The following H6PD variants were observed in gnomAD, a reference collection of about 807,000 sequenced individuals.
H6PD encodes the protein hexose-6-phosphate dehydrogenase/glucose 1-dehydrogenase.
A neutral mutation model predicts 61.2 loss-of-function variants in H6PD; 48 were observed. The observed-to-expected ratio is 0.78, with a 90% confidence interval of 0.62 to 1.00. The LOEUF (loss-of-function observed/expected upper bound fraction) is 1.00, where lower values mean the gene tolerates loss of function less well. Among genes scored for constraint, H6PD ranks in the 50% least tolerant of loss-of-function variants. The probability of loss-of-function intolerance (pLI) is 0.00; values close to 1 mark genes in which losing one functional copy is unlikely to be tolerated. For synonymous variants in H6PD, 480 were observed against 457.9 expected (o/e 1.05, Z -0.62); for missense variants, 1,093 against 1,065.0 (o/e 1.03, Z -0.37).
At chr1:9,260,422 T>C (rs1196494806) in intron 3 of H6PD, among the ~76,000 whole-genome samples, 1 of 152,060 alleles carries the variant, frequency 6.6e-6, no homozygotes, top group African/African-American at 2.4e-5. Flanking sequence ...TATGTTGTTA[T>C]GCTGGTGTTG....
chr1:9,249,632 G>A (rs1230810015), intron 3 of H6PD, among the ~76,000 whole-genome samples: 1 of 152,242 alleles, frequency 6.6e-6, no homozygotes, highest in Non-Finnish European at 1.5e-5. Flanking sequence ...CAGGGGCAAA[G>A]GGAGCCTCAG....
chr1:9,264,382 A>G lies in H6PD; in HGVS notation c.1889A>G (p.Glu630Gly). The change falls in exon 5 of 5, where the codon GAG becomes GGG. Residue 630 changes from glutamate to glycine, a missense_variant. By Grantham distance (98) the Glu-to-Gly change is moderately conservative. Coordinates refer to ENST00000377403, the MANE Select transcript of H6PD (RefSeq NM_004285.4). The stretch of plus-strand genomic sequence containing the variant: ...CGCTGCGTCCCACTCTCAGACCCGG[A>G]GTCCAACTTCCAGGGCCTGCAGGCC... ...DERCVPLSDPESNFQGLQAHL... is the reference protein window; with the variant it reads ...DERCVPLSDPGSNFQGLQAHL... 6.2e-7 allele frequency: 1 copy of G among 1,612,948 alleles called. No individual in the cohort carries two copies. The highest frequency in any genetic ancestry group is 1.3e-5 in the African/African-American group (1 of 75,024).
At position 9,269,176 on chromosome 1, in the gene H6PD, A is replaced by G. The variant is rs1348594301; in HGVS notation, c.*4307A>G. On this transcript the variant is annotated 3_prime_UTR_variant, in exon 5 of 5. Transcript: ENST00000377403. The surrounding 1 kb of genome is among the most constrained non-coding windows in gnomAD (Gnocchi z 4.3). ...TGAGACTCTGCAAATGAGACTCCAG[A>G]GGGTGAAGATCTGCGGTCTCCAGAC... 1 of 152,256 alleles carries G rather than the reference A, an allele frequency of 6.6e-6. No homozygotes were observed. The highest frequency in any genetic ancestry group is 1.5e-5 in the Non-Finnish European group (1 of 68,076). The allele number at this position is 152,256 out of a possible 1,614,324, so 9.4% of individuals were successfully genotyped here.
rs766244273 is a variant in H6PD at position 9,262,045 on chromosome 1, C to T, written c.746-14C>T. ...TCTTTAGATCCTCCCCACTTCTCCA[C>T]CTCCCTCCACCAGGCCGCACCAGCT... On this transcript the variant is annotated splice_polypyrimidine_tract_variant and intron_variant, in intron 3 of 4. Transcript: ENST00000377403. The T allele has an allele frequency of 3.1e-6, 5 of 1,614,066 alleles. No homozygotes were observed. In the Admixed American group the frequency reaches 5.0e-5, roughly 16 times the overall value.
chr1:9,264,368 A>T lies in H6PD; in HGVS notation c.1875A>T (p.Pro625=), dbSNP rs1370173709. The T allele has an allele frequency of 6.2e-7, 1 of 1,612,262 alleles. No homozygotes were observed. The highest frequency in any genetic ancestry group is 1.3e-5 in the African/African-American group (1 of 74,828). The change falls in exon 5 of 5, where the codon CCA becomes CCT. Residue 625 remains proline, a synonymous_variant. Coordinates refer to ENST00000377403, the MANE Select transcript of H6PD (RefSeq NM_004285.4). ...HLWLVDERCV[P]LSDPESNFQG... ...GGCTGGTTGACGAGCGCTGCGTCCC[A>T]CTCTCAGACCCGGAGTCCAACTTCC...
rs766091087 is a variant in H6PD, at chr1:9,254,971, A to C, written c.746-7088A>C. 3.1e-4 allele frequency among the ~76,000 whole-genome samples: 47 copies of C among 152,158 alleles called. No individual in the cohort carries two copies. Among genetic ancestry groups the C allele is most frequent in the Non-Finnish European group, 3.4e-4 (23 of 68,036 alleles). ...TAGGATCATACGGTGTGTGGTTTCC[A>C]TCAGTTAGCATCCTGAGTTCAGAGT... On this transcript the variant is annotated intron_variant, in intron 3 of 4. Coordinates refer to ENST00000377403, the MANE Select transcript of H6PD (RefSeq NM_004285.4). This position sits in a 1 kb window ranked among gnomAD's most constrained non-coding sequence, Gnocchi z 4.6.
rs537866358 is a variant in H6PD at position 9,267,640 on chromosome 1, T to A, written c.*2771T>A. ...GGTGAGGGTCGAAATGCCAAAGGTC[T>A]ACTTTCCAGAATCAAGTGCCTTCTG... is the stretch of plus-strand genomic sequence containing the variant. On this transcript the variant is annotated 3_prime_UTR_variant, in exon 5 of 5. Coordinates refer to ENST00000377403, the MANE Select transcript of H6PD (RefSeq NM_004285.4). 10 of 152,450 alleles carry A rather than the reference T, an allele frequency of 6.6e-5. No individual in the cohort carries two copies. The South Asian group carries it at 2.1e-3, about 32-fold the overall frequency. 9.4% of individuals were successfully genotyped at this position (152,450 alleles called of 1,614,324 possible).
chr1:9,263,860 A>ACGCCCACTCCGTC lies in H6PD; in HGVS notation c.1369_1381dup (p.Leu461ArgfsTer40). On this transcript the variant is annotated frameshift_variant, in exon 5 of 5. Coordinates refer to ENST00000377403, the MANE Select transcript of H6PD (RefSeq NM_004285.4). LOFTEE classifies it high-confidence loss of function. The stretch of plus-strand genomic sequence containing the variant: ...GCCTACAGCCCTGTGCGGGAGCGGG[A>ACGCCCACTCCGTC]CGCCCACTCCGTCCTCTTATCCCAT... The ACGCCCACTCCGTC allele has an allele frequency of 6.2e-7, 1 of 1,613,868 alleles. No individual in the cohort carries two copies. The highest frequency in any genetic ancestry group is 8.5e-7 in the Non-Finnish European group (1 of 1,179,936).
intron 1 of H6PD, among the ~76,000 whole-genome samples, chr1:9,235,681 G>A (rs1640831446): frequency 1.3e-5 from 2 of 152,216 alleles, no homozygotes; most frequent in African/African-American, 4.8e-5. Context: ...CACAAACACG[G>A]TTCCCTGCAG....
rs770999374 is a variant in H6PD at position 9,264,754 on chromosome 1, TCAC to T, written c.2265_2267del (p.Thr756del). On this transcript the variant is annotated inframe_deletion, in exon 5 of 5. Transcript: ENST00000377403. ...GTCATGGGCAGGATGAAGCGTGAGA[TCAC>T]CACGCTGGTGAGCCGGGTGGGCCAT... 65 of 1,612,982 alleles carry T rather than the reference TCAC, an allele frequency of 4.0e-5. No individual in the cohort carries two copies. Among genetic ancestry groups the T allele is most frequent in the Middle Eastern group, 1.6e-4 (1 of 6,082 alleles).
At chr1:9,237,808 A>C (rs1018374726) in intron 1 of H6PD, among the ~76,000 whole-genome samples, 1 of 152,214 alleles carries the variant, frequency 6.6e-6, no homozygotes, top group Non-Finnish European at 1.5e-5. Flanking sequence ...TTTCAAATGC[A>C]GAAATGACAG....
chr1:9,264,716 G>C lies in H6PD; in HGVS notation c.2223G>C (p.Lys741Asn). Residue 741 changes from lysine to asparagine, a missense_variant, in exon 5 of 5, where the codon AAG (lysine) becomes AAC (asparagine). Coordinates refer to ENST00000377403, the MANE Select transcript of H6PD (RefSeq NM_004285.4). ...TGCCTCTCATCAACCGCGCCAAGAA[G>C]GTGGCAGTCCTGGTCATGGGCAGGA... Reference protein sequence around the residue: ...LSLPLINRAKKVAVLVMGRMK... With the variant: ...LSLPLINRAKNVAVLVMGRMK... The C allele has an allele frequency of 6.2e-7, 1 of 1,613,390 alleles. No homozygotes were observed. Among genetic ancestry groups the C allele is most frequent in the Non-Finnish European group, 8.5e-7 (1 of 1,180,014 alleles).
At chr1:9,256,491 G>T (rs1641521137) in intron 3 of H6PD, among the ~76,000 whole-genome samples, 1 of 152,154 alleles carries the variant, frequency 6.6e-6, no homozygotes, top group Non-Finnish European at 1.5e-5. Context: ...AGGGCAGGTT[G>T]TTCCCCCAGC....
rs760692693 is a variant in H6PD, at chr1:9,262,174, G to T, written c.861G>T (p.Glu287Asp). 8 of 1,614,118 alleles carry T rather than the reference G, an allele frequency of 5.0e-6. No homozygotes were observed. Reference protein sequence around the residue: ...MELPHNVSSAEAVLRHKLQVF... With the variant: ...MELPHNVSSADAVLRHKLQVF... The stretch of plus-strand genomic sequence containing the variant: ...TGCCCCACAATGTCAGCAGTGCGGA[G>T]GCTGTGCTGCGGCACAAGCTTCAGG... The change falls in exon 4 of 5, where the codon GAG becomes GAT. Residue 287 changes from glutamate (E) to aspartate (D), a missense_variant. Physicochemically the swap from Glu to Asp is conservative, Grantham distance 45. Coordinates refer to ENST00000377403, the MANE Select transcript of H6PD (RefSeq NM_004285.4).
At chr1:9,259,234 T>C (rs1437310768) in intron 3 of H6PD, among the ~76,000 whole-genome samples, 4 of 152,256 alleles carry the variant, frequency 2.6e-5, no homozygotes, top group African/African-American at 9.6e-5. Context: ...GTGATCCGCC[T>C]GCCTTGGCCT....
Position 9,245,673 on chromosome 1 carries a change from A to C in H6PD, c.627+112A>C, listed in dbSNP as rs940175300. The C allele has an allele frequency of 9.2e-7, 1 of 1,083,632 alleles. No individual in the cohort carries two copies. Among genetic ancestry groups the C allele is most frequent in the African/African-American group, 1.5e-5 (1 of 64,588 alleles). The allele number at this position is 1,083,632 out of a possible 1,614,324, so 67.1% of individuals were successfully genotyped here. On this transcript the variant is annotated intron_variant, in intron 2 of 4. Coordinates refer to ENST00000377403, the MANE Select transcript of H6PD (RefSeq NM_004285.4). The surrounding 1 kb of genome is among the most constrained non-coding windows in gnomAD (Gnocchi z 4.8). ...CTAGGCCCCAAGGCATTGTGAACTC[A>C]GAGCTCCCATGGTCTCCTTGAAGGT...
rs1340764504 is a variant in H6PD, at chr1:9,235,142, C to G, written c.-11+76C>G. The G allele has an allele frequency of 2.7e-5, 4 of 150,530 alleles. No individual in the cohort carries two copies. In the East Asian group the frequency reaches 7.8e-4, roughly 29 times the overall value. The allele number at this position is 150,530 out of a possible 1,614,324, so 9.3% of individuals were successfully genotyped here. ...CCCGCGCTGCCGCCGGGCCCGAGGC[C>G]GCGCCGAGCCCCGGAGCCTGCGCTG... On this transcript the variant is annotated intron_variant, in intron 1 of 4. Transcript: ENST00000377403.
rs113279293 is a variant in H6PD, at chr1:9,241,810, G to A, written c.-10-3115G>A. Among the ~76,000 whole-genome samples, 1,104 of 152,230 alleles carry A rather than the reference G, an allele frequency of 7.3e-3. 7 individuals are homozygous for A. The highest frequency in any genetic ancestry group is 0.011 in the Non-Finnish European group (748 of 68,014). On this transcript the variant is annotated intron_variant, in intron 1 of 4. Coordinates refer to ENST00000377403, the MANE Select transcript of H6PD (RefSeq NM_004285.4). ...GACAAAGGAAGCTGTTTAGCATCGTGACTGAGGGTCCAGGCTTTGTGGCTT... is the reference window on the plus strand; with the variant it reads ...GACAAAGGAAGCTGTTTAGCATCGTAACTGAGGGTCCAGGCTTTGTGGCTT...
intron 1 of H6PD, among the ~76,000 whole-genome samples, chr1:9,235,320 G>A (rs910915391): frequency 6.6e-6 from 1 of 152,134 alleles, no homozygotes; most frequent in African/African-American, 2.4e-5. Flanking sequence ...TTTCCCCCGG[G>A]ACCTGCTTAA....
Sources: gnomAD v4.1 joint callset for allele counts (sites outside exome capture counted in the v4.1 genomes callset) on GRCh38, gnomAD v4.1.1 for gene constraint, Gnocchi (gnomAD v3.1) non-coding constraint, MANE v1.5 for transcripts, NCBI Gene and HGNC (gene_info 2026-07-23, HGNC 2026-07-21) for gene names.